Variants in PRLR observed in about 807,000 individuals in gnomAD.
PRLR encodes the protein prolactin receptor, also known as hPRL receptor.
A neutral mutation model predicts 40.2 loss-of-function variants in PRLR; 13 were observed. The ratio of observed to expected loss-of-function variants is 0.32; its 90% CI spans 0.21 to 0.51. The LOEUF is 0.51. PRLR is among the 20% of genes least tolerant of loss of function. The pLI is 0.97. For missense variants in PRLR, 656 were observed against 747.3 expected (o/e 0.88, Z 1.42); for synonymous variants, 269 against 278.7 (o/e 0.97, Z 0.35).
chr5:35,089,718 T>C, intron 2 of PRLR, 55 bp from the exon 3 acceptor site: 2 of 1,074,274 alleles, frequency 1.9e-6, no homozygotes, highest in South Asian at 2.6e-5. Context: ...GTCAGGCACA[T>C]CCACCACTTT....
At chr5:35,089,766 A>C in intron 2 of PRLR, 103 bp from the exon 3 acceptor site, 1 of 678,502 alleles carries the variant, frequency 1.5e-6, no homozygotes. Context: ...CTCCTTGCTT[A>C]ATGTGAATGA....
At chr5:35,140,676 C>G (rs187335998) in intron 1 of PRLR, among the ~76,000 whole-genome samples, 1 of 152,188 alleles carries the variant, frequency 6.6e-6, no homozygotes, top group Non-Finnish European at 1.5e-5. Flanking sequence ...CAACTGTATA[C>G]AGTAACTATA....
At chr5:35,176,023 A>C (rs1387839806) in intron 1 of PRLR, among the ~76,000 whole-genome samples, 1 of 152,238 alleles carries the variant, frequency 6.6e-6, no homozygotes, top group Non-Finnish European at 1.5e-5. Flanking sequence ...TTCATGTAAT[A>C]TCATGTGTGT....
chr5:35,201,051 T>C (rs1775870380), intron 1 of PRLR, among the ~76,000 whole-genome samples: 1 of 152,232 alleles, frequency 6.6e-6, no homozygotes. Flanking sequence ...ATTCTGTTTC[T>C]ACCAAGCTGT....
At chr5:35,157,247 T>C (rs149341729) in intron 1 of PRLR, among the ~76,000 whole-genome samples, 13 of 152,246 alleles carry the variant, frequency 8.5e-5, no homozygotes, top group African/African-American at 3.1e-4. Flanking sequence ...ATCTTATATC[T>C]GAAATATGCA....
At chr5:35,084,276 C>T (rs576904516) in intron 5 of PRLR, among the ~76,000 whole-genome samples, 194 bp downstream of exon 5, 12 of 152,246 alleles carry the variant, frequency 7.9e-5, no homozygotes, top group African/African-American at 2.9e-4. Context: ...ACAAGGATCC[C>T]AAGTGCCAGC....
At chr5:35,129,271 C>G (rs1288694344) in intron 1 of PRLR, among the ~76,000 whole-genome samples, 1 of 152,142 alleles carries the variant, frequency 6.6e-6, no homozygotes, top group Non-Finnish European at 1.5e-5. Flanking sequence ...AAAAAGTTCT[C>G]TTAGTGTTAT....
intron 1 of PRLR, among the ~76,000 whole-genome samples, chr5:35,221,373 GCA>G (rs1488787778): frequency 6.6e-6 from 1 of 152,158 alleles, no homozygotes; most frequent in East Asian, 1.9e-4. Flanking sequence ...TTTCTAAATT[GCA>G]CACAGAAAAT....
chr5:35,053,950 G>A (rs868857885), downstream of PRLR, among the ~76,000 whole-genome samples: 1 of 152,146 alleles, frequency 6.6e-6, no homozygotes, highest in South Asian at 2.1e-4. Flanking sequence ...GACAGGAATA[G>A]ATACACAGAA....
In PRLR at chr5:35,065,489, G is replaced by A. The variant is rs540007650; in HGVS notation, c.1469C>T (p.Thr490Met). 45 of 1,614,034 alleles carry A rather than the reference G, an allele frequency of 2.8e-5. No homozygotes were observed. Among genetic ancestry groups the A allele is most frequent in the Non-Finnish European group, 3.5e-5 (41 of 1,180,036 alleles). Residue 490 changes from threonine (T) to methionine (M), a missense_variant, in exon 10 of 10, where the codon ACG becomes ATG. Coordinates refer to ENST00000618457, the MANE Select transcript of PRLR (RefSeq NM_000949.7). ...TTTCTCCTGGGGCAGCAGCCAGGGC[G>A]TATCCTGGTCAGTCTCAGAATGGAA... ...ESFHSETDQD[T>M]PWLLPQEKTP...
intron 1 of PRLR, among the ~76,000 whole-genome samples, chr5:35,131,658 C>A (rs1773683638): frequency 1.3e-5 from 2 of 152,102 alleles, no homozygotes; most frequent in African/African-American, 4.8e-5. Context: ...GAATGAATCT[C>A]TGGGATGGCC....
intron 1 of PRLR, among the ~76,000 whole-genome samples, chr5:35,142,224 A>C (rs1774046447): frequency 6.6e-6 from 1 of 152,214 alleles, no homozygotes; most frequent in Admixed American, 6.5e-5. Flanking sequence ...GCTAGGGCTA[A>C]GTGTTTGATG....
At chr5:35,228,252 AAG>A (rs1561375637) in intron 1 of PRLR, among the ~76,000 whole-genome samples, 9 of 72,350 alleles carry the variant, frequency 1.2e-4, no homozygotes, top group Admixed American at 3.0e-4. Flanking sequence ...AAAAAAAAAA[AAG>A]CAGCATTATT....
intron 2 of PRLR, among the ~76,000 whole-genome samples, chr5:35,100,359 A>G (rs1771803975): frequency 6.6e-6 from 1 of 152,156 alleles, no homozygotes. Context: ...AGGGCTTCAC[A>G]TTCAGTCGCC....
intron 1 of PRLR, among the ~76,000 whole-genome samples, chr5:35,212,719 G>A (rs16872810): frequency 0.034 from 5,209 of 152,166 alleles, 338 homozygotes; most frequent in African/African-American, 0.12. Flanking sequence ...GCATAACCAA[G>A]CATGTAAAAC....
chr5:35,132,281 C>T (rs1399956544), intron 1 of PRLR, among the ~76,000 whole-genome samples: 1 of 152,090 alleles, frequency 6.6e-6, no homozygotes, highest in Non-Finnish European at 1.5e-5. Context: ...GTTCTGTGTA[C>T]AGAACACTCA....
At chr5:35,228,985 G>C (rs989277542) in intron 1 of PRLR, among the ~76,000 whole-genome samples, 1 of 152,024 alleles carries the variant, frequency 6.6e-6, no homozygotes, top group Non-Finnish European at 1.5e-5. Flanking sequence ...GCCCCAGGAA[G>C]AGGACTCACA....
chr5:35,055,061 C>A (rs1369591599), downstream of PRLR, among the ~76,000 whole-genome samples: 1 of 151,994 alleles, frequency 6.6e-6, no homozygotes, highest in Non-Finnish European at 1.5e-5. Context: ...TTATGTTTTT[C>A]TATATATGTT....
chr5:35,156,659 C>T (rs1242931303), intron 1 of PRLR, among the ~76,000 whole-genome samples: 1 of 152,134 alleles, frequency 6.6e-6, no homozygotes, highest in African/African-American at 2.4e-5. Flanking sequence ...TTCCTGTTGT[C>T]TACAATGCTC....
Sources: gnomAD v4.1 joint callset for allele counts (sites outside exome capture counted in the v4.1 genomes callset) on GRCh38, gnomAD v4.1.1 for gene constraint, MANE v1.5 for transcripts, NCBI Gene and HGNC (gene_info 2026-07-23, HGNC 2026-07-21) for gene names.